Variants in PRDM4 observed in about 807,000 individuals in gnomAD.
PRDM4 encodes the protein PR domain zinc finger protein 4.
A neutral mutation model predicts 62.3 loss-of-function variants in PRDM4; 38 were observed. The observed-to-expected ratio is 0.61, with a 90% confidence interval of 0.47 to 0.80. The LOEUF (loss-of-function observed/expected upper bound fraction) is 0.80. Among genes scored for constraint, PRDM4 ranks in the 30% least tolerant of loss-of-function variants. The pLI, the probability that PRDM4 is intolerant of heterozygous loss-of-function variation, is 0.00. For missense variants in PRDM4, 858 were observed against 997.1 expected, an observed-to-expected ratio of 0.86 and a Z score of 1.88; for synonymous variants, 339 against 348.2, an observed-to-expected ratio of 0.97 and a Z score of 0.30.
Position 107,756,853 on chromosome 12 carries a change from G to T in PRDM4, c.124C>A (p.His42Asn), listed in dbSNP as rs779714472. ...TCACCTGGGGCAGGGATGGCACTGTGAGTGGGTGAGGCAGCCAATCCCAGG... is the reference window on the plus strand; with the variant it reads ...TCACCTGGGGCAGGGATGGCACTGTTAGTGGGTGAGGCAGCCAATCCCAGG... ...SHLGLAASPTHSAIPAPGLPV... is the reference protein window; with the variant it reads ...SHLGLAASPTNSAIPAPGLPV... Residue 42 changes from histidine to asparagine, a missense_variant, in exon 3 of 12, where the codon CAC becomes AAC. Transcript: ENST00000228437. 1 of 1,614,136 alleles carries T rather than the reference G, an allele frequency of 6.2e-7. No homozygotes were observed. Among genetic ancestry groups the T allele is most frequent in the Admixed American group, 1.7e-5 (1 of 60,022 alleles).
chr12:107,755,378 G>A lies in PRDM4; in HGVS notation c.146-1269C>T, dbSNP rs575602079. Reference sequence around the variant, plus strand: ...CTCTCAAAATGCTGGGATTATAGGCGTGAGCCACTGTGCCTGGCTGGCAAT... The same window carrying A: ...CTCTCAAAATGCTGGGATTATAGGCATGAGCCACTGTGCCTGGCTGGCAAT... On this transcript the variant is annotated intron_variant, in intron 3 of 11. Coordinates refer to ENST00000228437, the MANE Select transcript of PRDM4 (RefSeq NM_012406.4). 2.0e-4 allele frequency among the ~76,000 whole-genome samples: 30 copies of A among 152,182 alleles called. No individual in the cohort carries two copies. In the South Asian group the frequency reaches 6.0e-3, roughly 31 times the overall value.
intron 4 of PRDM4, 92 bp from the exon 5 acceptor site, chr12:107,752,301 A>G: frequency 1.1e-6 from 1 of 871,718 alleles, no homozygotes; most frequent in Non-Finnish European, 1.8e-6. Context: ...AAACATAACT[A>G]AGTTCAAATA....
chr12:107,738,276 T>C (rs1890400225), intron 11 of PRDM4: 1 of 152,196 alleles, frequency 6.6e-6, no homozygotes, highest in Non-Finnish European at 1.5e-5. Flanking sequence ...TATTTGATAA[T>C]TTCTGTCTAA....
rs1205360423 is a variant in PRDM4, at chr12:107,733,032, G to C, written c.*1178C>G. 1 of 152,604 alleles carries C rather than the reference G, an allele frequency of 6.6e-6. No homozygotes were observed. Among genetic ancestry groups the C allele is most frequent in the African/African-American group, 2.4e-5 (1 of 41,424 alleles). 9.5% of individuals were successfully genotyped at this position (152,604 alleles called of 1,614,324 possible). A position where few individuals can be genotyped will look rare whatever the true frequency, so the allele number is the denominator to read the frequency against. On this transcript the variant is annotated 3_prime_UTR_variant, in exon 12 of 12. Transcript: ENST00000228437. ...CAGGAGAGCATGTTCCATCAATCCTGTCAACTTAAGGGTGGGTCTGCTTCT... is the reference window on the plus strand; with the variant it reads ...CAGGAGAGCATGTTCCATCAATCCTCTCAACTTAAGGGTGGGTCTGCTTCT...
rs575342374 is a variant in PRDM4, at chr12:107,733,430, T to C, written c.*780A>G. 5 of 152,360 alleles carry C rather than the reference T, an allele frequency of 3.3e-5. No homozygotes were observed. The highest frequency in any genetic ancestry group is 1.9e-4 in the East Asian group (1 of 5,182). 9.4% of individuals were successfully genotyped at this position (152,360 alleles called of 1,614,324 possible). On this transcript the variant is annotated 3_prime_UTR_variant, in exon 12 of 12. Coordinates refer to ENST00000228437, the MANE Select transcript of PRDM4 (RefSeq NM_012406.4). ...TATCTCCAGGCCCCCTTTGTCTGAA[T>C]GGCTGGATGTTTACTGGAGACAGGG...
chr12:107,742,599 G>A lies in PRDM4; in HGVS notation c.1482-251C>T, dbSNP rs1206372805. 1.3e-5 allele frequency: 6 copies of A among 448,068 alleles called. No homozygotes were observed. In the East Asian group the frequency reaches 2.2e-4, roughly 17 times the overall value. 27.8% of individuals were successfully genotyped at this position (448,068 alleles called of 1,614,324 possible). On this transcript the variant is annotated intron_variant, in intron 8 of 11. Transcript: ENST00000228437. ...ACAGTCTGTTATTGGAAGCAAACAA[G>A]ATAAATAAAATGAAGTCTTTAAAAA...
At chr12:107,752,954 G>A (rs1403590028) in intron 4 of PRDM4, among the ~76,000 whole-genome samples, 1 of 152,296 alleles carries the variant, frequency 6.6e-6, no homozygotes, top group East Asian at 1.9e-4. Flanking sequence ...TACCCATTCA[G>A]TAGAAAGTAA....
intron 3 of PRDM4, 35 bp from the exon 4 acceptor site, chr12:107,754,144 A>G: frequency 6.7e-7 from 1 of 1,485,920 alleles, no homozygotes; most frequent in Middle Eastern, 1.8e-4. Flanking sequence ...AGTTAAAAGA[A>G]AATAGGTAAT....
chr12:107,746,776 T>C (rs1464653810), intron 5 of PRDM4, among the ~76,000 whole-genome samples: 2 of 152,144 alleles, frequency 1.3e-5, no homozygotes, highest in East Asian at 1.9e-4. Flanking sequence ...TAAGCCACCA[T>C]GCCCAGCCCC....
chr12:107,754,883 T>C (rs1368467727), intron 3 of PRDM4: 11 of 152,228 alleles, frequency 7.2e-5, no homozygotes, highest in Non-Finnish European at 1.6e-4. Context: ...GTAGTTTAGT[T>C]AGATGTAAAA....
intron 11 of PRDM4, among the ~76,000 whole-genome samples, chr12:107,738,878 A>AACACAC (rs111582421): frequency 3.3e-4 from 48 of 147,000 alleles, no homozygotes; most frequent in South Asian, 8.7e-4. Context: ...AATTCAGACA[A>AACACAC]ACACACACAC....
At chr12:107,735,576 T>A (rs147194505) in intron 11 of PRDM4, among the ~76,000 whole-genome samples, 7 of 151,908 alleles carry the variant, frequency 4.6e-5, no homozygotes, top group African/African-American at 1.7e-4. Flanking sequence ...AGGGGTGGTA[T>A]AATTAGTATC....
chr12:107,745,468 T>C (rs1890669346), intron 6 of PRDM4, among the ~76,000 whole-genome samples: 1 of 152,046 alleles, frequency 6.6e-6, no homozygotes, highest in Non-Finnish European at 1.5e-5. Context: ...CTTGGAAGGT[T>C]GCGGCAGGAT....
At position 107,754,115 on chromosome 12, in the gene PRDM4, A is replaced by G; in HGVS notation, c.146-6T>C. ...TGGAATTGCCACTGGGAGGCCTACA[A>G]AACAAAATTTTTTTTCTCAGTTAAA... On this transcript the variant is annotated splice_region_variant and splice_polypyrimidine_tract_variant and intron_variant, in intron 3 of 11. Transcript: ENST00000228437. The G allele has an allele frequency of 6.4e-7, 1 of 1,570,512 alleles. No individual in the cohort carries two copies. The highest frequency in any genetic ancestry group is 8.6e-7 in the Non-Finnish European group (1 of 1,158,416).
chr12:107,757,414 T>C (rs1486446741), intron 2 of PRDM4, among the ~76,000 whole-genome samples: 5 of 152,234 alleles, frequency 3.3e-5, no homozygotes, highest in South Asian at 2.1e-4. Flanking sequence ...TCATTTTTAA[T>C]AGGAGTTAAA....
chr12:107,744,752 T>C (rs779468424), intron 6 of PRDM4, 91 bp from the exon 7 acceptor site: 66 of 1,526,926 alleles, frequency 4.3e-5, no homozygotes, highest in Non-Finnish European at 5.8e-5. Context: ...AAGAATCTTA[T>C]TTTCAATGAA....
At chr12:107,750,505 C>T (rs1012319462) in intron 5 of PRDM4, among the ~76,000 whole-genome samples, 7 of 152,162 alleles carry the variant, frequency 4.6e-5, no homozygotes, top group African/African-American at 1.7e-4. Flanking sequence ...GATCGCACCA[C>T]TGCACCCTAG....
At chr12:107,745,095 G>A (rs1328225503) in intron 6 of PRDM4, among the ~76,000 whole-genome samples, 3 of 141,376 alleles carry the variant, frequency 2.1e-5, no homozygotes, top group African/African-American at 8.0e-5. Flanking sequence ...CAATATGCTA[G>A]CATTCCTCAG....
At chr12:107,744,424 AC>A in intron 7 of PRDM4, 118 bp downstream of exon 7, 2 of 1,118,876 alleles carry the variant, frequency 1.8e-6, no homozygotes, top group Non-Finnish European at 2.5e-6. Context: ...GAAATAAATG[AC>A]TGACCAGTGA....
Sources: gnomAD v4.1 joint callset for allele counts (sites outside exome capture counted in the v4.1 genomes callset) on GRCh38, gnomAD v4.1.1 for gene constraint, MANE v1.5 for transcripts, NCBI Gene and HGNC (gene_info 2026-07-23, HGNC 2026-07-21) for gene names.